The following NECTIN1 variants were observed in gnomAD, a reference collection of about 807,000 sequenced individuals.
The protein encoded by NECTIN1 is nectin-1.
Under a neutral mutation model 48.0 loss-of-function variants are expected in NECTIN1, and 23 were observed. The observed-to-expected ratio is 0.48, with a 90% CI of 0.34 to 0.68. The LOEUF (loss-of-function observed/expected upper bound fraction) is 0.68, where lower values mean the gene tolerates loss of function less well. NECTIN1 is among the 30% of genes least tolerant of loss of function. The pLI, the probability that NECTIN1 is intolerant of heterozygous loss-of-function variation, is 0.01. For missense variants in NECTIN1, 591 were observed against 709.9 expected, an observed-to-expected ratio of 0.83 and a Z score of 1.90; for synonymous variants, 270 against 288.9, an observed-to-expected ratio of 0.93 and a Z score of 0.66.
At chr11:119,700,026 GA>G (rs1172558963) in intron 1 of NECTIN1, among the ~76,000 whole-genome samples, 1 of 152,226 alleles carries the variant, frequency 6.6e-6, no homozygotes, top group Non-Finnish European at 1.5e-5. Flanking sequence ...TGTGGAGCCG[GA>G]ACTGTGTTAC....
chr11:119,721,438 C>T (rs1565404991), intron 1 of NECTIN1, among the ~76,000 whole-genome samples: 3 of 152,256 alleles, frequency 2.0e-5, no homozygotes, highest in Admixed American at 6.5e-5. Context: ...GCCTGGGCCA[C>T]GCCCGCAGCT....
chr11:119,693,790 T>C (rs1865301667), intron 1 of NECTIN1, among the ~76,000 whole-genome samples: 2 of 152,194 alleles, frequency 1.3e-5, no homozygotes, highest in Middle Eastern at 3.4e-3. Flanking sequence ...GCTTAATGAG[T>C]GAGGCCCAGC....
rs1404276312 is a variant in NECTIN1, at chr11:119,683,867, C to T, written c.80-5102G>A. Among the ~76,000 whole-genome samples the T allele has an allele frequency of 1.3e-5, 2 of 152,124 alleles. No individual in the cohort carries two copies. The highest frequency in any genetic ancestry group is 2.9e-5 in the Non-Finnish European group (2 of 68,032). On this transcript the variant is annotated intron_variant, in intron 1 of 5. Coordinates refer to ENST00000264025, the MANE Select transcript of NECTIN1 (RefSeq NM_002855.5). This position sits in a 1 kb window ranked among gnomAD's most constrained non-coding sequence, Gnocchi z 4.0. ...GTGCCTCAGTTTCCCCACTAGATCT[C>T]AGGTTGGGCAGTTCAGGCTGCCTCA...
chr11:119,650,265 A>AG (rs1491581794), intron 5 of NECTIN1, among the ~76,000 whole-genome samples: 1 of 151,684 alleles, frequency 6.6e-6, no homozygotes. Context: ...TGCAGGTCAC[A>AG]GGGGATATGA....
intron 5 of NECTIN1, among the ~76,000 whole-genome samples, chr11:119,652,720 A>C (rs1019609546): frequency 6.6e-6 from 1 of 152,222 alleles, no homozygotes; most frequent in Non-Finnish European, 1.5e-5. Context: ...GGGAACTCTC[A>C]TACGCTGTTG....
At chr11:119,708,219 A>C (rs1194034189) in intron 1 of NECTIN1, among the ~76,000 whole-genome samples, 1 of 152,200 alleles carries the variant, frequency 6.6e-6, no homozygotes, top group East Asian at 1.9e-4. Context: ...AGACAGAGAC[A>C]GAGACAGACA....
intron 5 of NECTIN1, chr11:119,641,056 C>T (rs1864316386): frequency 6.6e-6 from 1 of 152,196 alleles, no homozygotes; most frequent in Non-Finnish European, 1.5e-5. Flanking sequence ...CATTCACTCA[C>T]TCACTTTCTG....
chr11:119,644,344 C>G (rs187452699), intron 5 of NECTIN1, among the ~76,000 whole-genome samples: 8 of 152,298 alleles, frequency 5.3e-5, no homozygotes, highest in African/African-American at 1.9e-4. Context: ...TTTGGGAGCC[C>G]GAGGAGCTTT....
In NECTIN1 at chr11:119,694,511, TG is replaced by T. The variant is rs552993419; in HGVS notation, c.80-15747del. ...GTGGTAGGCAGGCAGTTGGGAGGCC[TG>T]GGTCCCCTGGAAGCTCACTACCTCT... On this transcript the variant is annotated intron_variant, in intron 1 of 5. Transcript: ENST00000264025. 2.8e-4 allele frequency among the ~76,000 whole-genome samples: 42 copies of T among 152,316 alleles called. No individual in the cohort carries two copies. In the South Asian group the frequency reaches 8.7e-3, roughly 32 times the overall value.
At chr11:119,708,976 C>T (rs975188980) in intron 1 of NECTIN1, among the ~76,000 whole-genome samples, 1 of 152,050 alleles carries the variant, frequency 6.6e-6, no homozygotes, top group Non-Finnish European at 1.5e-5. Context: ...CTCCTCAGGA[C>T]TGCCCAGGAC....
chr11:119,667,282 T>C (rs903335990), intron 5 of NECTIN1, among the ~76,000 whole-genome samples: 15 of 152,334 alleles, frequency 9.8e-5, no homozygotes, highest in African/African-American at 3.6e-4. Flanking sequence ...TCAGCCTGCC[T>C]GCCCCCCTCC....
chr11:119,717,308 C>G (rs768939245), intron 1 of NECTIN1, among the ~76,000 whole-genome samples: 3 of 152,234 alleles, frequency 2.0e-5, no homozygotes, highest in Non-Finnish European at 4.4e-5. Context: ...AAAGGCCTAT[C>G]CATCACGCCA....
Position 119,684,541 on chromosome 11 carries a change from G to T in NECTIN1, c.80-5776C>A, listed in dbSNP as rs1865122015. 6.6e-6 allele frequency among the ~76,000 whole-genome samples: 1 copy of T among 152,236 alleles called. No individual in the cohort carries two copies. The highest frequency in any genetic ancestry group is 2.1e-4 in the South Asian group (1 of 4,836). ...CTGGCAGAAGGGGACAGGATGTCCG[G>T]TGAGAAACCGGCTAAGTGGTAAGTG... On this transcript the variant is annotated intron_variant, in intron 1 of 5. Coordinates refer to ENST00000264025, the MANE Select transcript of NECTIN1 (RefSeq NM_002855.5). The surrounding 1 kb of genome is among the most constrained non-coding windows in gnomAD (Gnocchi z 5.2).
At chr11:119,692,378 C>A (rs1028645789) in intron 1 of NECTIN1, among the ~76,000 whole-genome samples, 1 of 151,942 alleles carries the variant, frequency 6.6e-6, no homozygotes, top group Non-Finnish European at 1.5e-5. Flanking sequence ...TGCAGAGGGG[C>A]CCCTGAAAGC....
chr11:119,644,832 A>G (rs1255714870), intron 5 of NECTIN1, among the ~76,000 whole-genome samples: 4 of 152,068 alleles, frequency 2.6e-5, no homozygotes, highest in African/African-American at 7.2e-5. Flanking sequence ...TGGGCTGCAA[A>G]GGGAGAAAGA....
chr11:119,725,009 A>G (rs574200559), intron 1 of NECTIN1, among the ~76,000 whole-genome samples: 1 of 152,312 alleles, frequency 6.6e-6, no homozygotes, highest in African/African-American at 2.4e-5. Flanking sequence ...GAGGCATTCA[A>G]TTCACCAGGT....
intron 7 of NECTIN1, among the ~76,000 whole-genome samples, chr11:119,638,455 G>C (rs1289440683): frequency 6.6e-6 from 1 of 152,130 alleles, no homozygotes; most frequent in Non-Finnish European, 1.5e-5. Flanking sequence ...TTGGGGCCAG[G>C]CACCTGAGAG....
chr11:119,726,422 C>T (rs373304092), intron 1 of NECTIN1, among the ~76,000 whole-genome samples: 48 of 152,266 alleles, frequency 3.2e-4, no homozygotes, highest in African/African-American at 1.1e-3. Flanking sequence ...CTGGGCGGTC[C>T]GGGAACTTCG....
chr11:119,677,175 G>C lies in NECTIN1; in HGVS notation c.778C>G (p.Leu260Val). ...GTGAGCTTCACGTCCATCCGCTGCA[G>C]GTACCAGTTGCCATCAAACCCCTCA... ...TIEGFDGNWY[L>V]QRMDVKLTCK... The change falls in exon 4 of 6, where the codon CTG becomes GTG. Residue 260 changes from leucine to valine, a missense_variant. By Grantham distance (32) the Leu-to-Val change is conservative. Coordinates refer to ENST00000264025, the MANE Select transcript of NECTIN1 (RefSeq NM_002855.5). The surrounding 1 kb of genome is among the most constrained non-coding windows in gnomAD (Gnocchi z 5.4). 6.2e-7 allele frequency: 1 copy of C among 1,614,142 alleles called. No individual in the cohort carries two copies. Among genetic ancestry groups the C allele is most frequent in the Non-Finnish European group, 8.5e-7 (1 of 1,180,034 alleles).
Sources: allele counts gnomAD v4.1 joint callset (sites outside exome capture counted in the v4.1 genomes callset), GRCh38; gene constraint gnomAD v4.1.1; non-coding constraint Gnocchi (gnomAD v3.1); transcripts MANE v1.5; gene names NCBI Gene and HGNC (gene_info 2026-07-23, HGNC 2026-07-21).